ARHGAP29: variants seen among roughly 807,000 people sequenced by gnomAD.
The protein encoded by ARHGAP29 is Rho GTPase activating protein 29, also known as rho GTPase-activating protein 29.
ARHGAP29 carries 43 observed loss-of-function variants against 122.6 expected under a neutral mutation model. That is an observed-to-expected ratio of 0.35 (90% confidence interval 0.27 to 0.45). ARHGAP29 has a LOEUF of 0.45. Among genes scored for constraint, ARHGAP29 ranks in the 20% least tolerant of loss-of-function variants. ARHGAP29 has a pLI of 1.00. For synonymous variants in ARHGAP29, 506 were observed against 497.1 expected, an observed-to-expected ratio of 1.02 and a Z score of -0.24; for missense variants, 1,303 against 1,477.2, an observed-to-expected ratio of 0.88 and a Z score of 1.93.
At chr1:94,236,614 C>T (rs1653279005) in intron 1 of ARHGAP29, among the ~76,000 whole-genome samples, 1 of 152,126 alleles carries the variant, frequency 6.6e-6, no homozygotes, top group East Asian at 1.9e-4. Context: ...AACATAGAGA[C>T]AAGAGGCTCG....
chr1:94,182,389 A>T (rs79912885), intron 19 of ARHGAP29, among the ~76,000 whole-genome samples: 29,867 of 152,026 alleles, frequency 0.2, 3,769 homozygotes, highest in Middle Eastern at 0.33. Flanking sequence ...AATAAAGGGG[A>T]GGAAATGAGC....
chr1:94,268,215 A>G (rs896038845), intron 1 of ARHGAP29, among the ~76,000 whole-genome samples: 2 of 152,196 alleles, frequency 1.3e-5, no homozygotes, highest in Non-Finnish European at 2.9e-5. Flanking sequence ...CCCATAGACA[A>G]TATTCAATAC....
At chr1:94,302,836 C>T in the ARHGAP29 span, 304 of 243,176 alleles carry the variant, frequency 1.3e-3, no homozygotes, top group African/African-American at 6.3e-3. Context: ...TCGGGGGCAT[C>T]GTGGGCCACA....
chr1:94,171,080 A>T lies in ARHGAP29; in HGVS notation c.*2789T>A, dbSNP rs1648708853. On this transcript the variant is annotated 3_prime_UTR_variant, in exon 23 of 23. Transcript: ENST00000260526. ...AACCCACAGAATTCCACTGACTATA[A>T]GTTATTTAACAATATACAATGGTTG... 6.6e-6 allele frequency among the ~76,000 whole-genome samples: 1 copy of T among 152,202 alleles called. No individual in the cohort carries two copies. The highest frequency in any genetic ancestry group is 1.5e-5 in the Non-Finnish European group (1 of 68,030).
At chr1:94,219,653 C>T (rs896295587) in intron 3 of ARHGAP29, among the ~76,000 whole-genome samples, 1 of 152,140 alleles carries the variant, frequency 6.6e-6, no homozygotes, top group African/African-American at 2.4e-5. Flanking sequence ...TCACTTCGCT[C>T]TCAATCCTTC....
chr1:94,305,842 T>A, the ARHGAP29 span, among the ~76,000 whole-genome samples: 1 of 152,310 alleles, frequency 6.6e-6, no homozygotes, highest in Admixed American at 6.5e-5. Flanking sequence ...TACCTCAAAG[T>A]TCAAGGAATA....
chr1:94,178,189 G>A (rs1458577638), intron 20 of ARHGAP29, 22 bp from the exon 21 acceptor site: 6 of 1,587,084 alleles, frequency 3.8e-6, no homozygotes, highest in African/African-American at 1.4e-5. Context: ...AACACATAAA[G>A]TTGTATGAGA....
chr1:94,194,265 T>C (rs772794128), intron 12 of ARHGAP29: 1 of 152,234 alleles, frequency 6.6e-6, no homozygotes, highest in South Asian at 2.1e-4. Flanking sequence ...TCACAGTTCA[T>C]TACTACACTT....
chr1:94,307,420 C>T, the ARHGAP29 span, among the ~76,000 whole-genome samples: 1 of 152,080 alleles, frequency 6.6e-6, no homozygotes, highest in African/African-American at 2.4e-5. Flanking sequence ...ATGACCAAAA[C>T]TCCAATGGGA....
Position 94,179,877 on chromosome 1 carries a change from T to C in ARHGAP29, c.2328A>G (p.Glu776=). 6.2e-7 allele frequency: 1 copy of C among 1,613,294 alleles called. No individual in the cohort carries two copies. Among genetic ancestry groups the C allele is most frequent in the Non-Finnish European group, 8.5e-7 (1 of 1,179,676 alleles). Residue 776 remains glutamate, a synonymous_variant, in exon 20 of 23, where the codon GAA becomes GAG. Coordinates refer to ENST00000260526, the MANE Select transcript of ARHGAP29 (RefSeq NM_004815.4). ...CAAGACTATTCTTTTTTGTCTCTTG[T>C]TCTTCATTTACATGTTGGATCTCTT... ...LAKEIQHVNE[E]QETKKNSLED...
rs1001412626 is a variant in ARHGAP29, at chr1:94,170,740, T to C, written c.*3129A>G. Among the ~76,000 whole-genome samples the C allele has an allele frequency of 1.3e-5, 2 of 152,244 alleles. No homozygotes were observed. Among genetic ancestry groups the C allele is most frequent in the African/African-American group, 4.8e-5 (2 of 41,466 alleles). ...ACACGACTGAGTCTTCTAATTCGTG[T>C]ACATTATGGAGTACTACATTTATTT... On this transcript the variant is annotated 3_prime_UTR_variant, in exon 23 of 23. Transcript: ENST00000260526.
intron 5 of ARHGAP29, 150 bp from the exon 6 acceptor site, chr1:94,205,833 G>C (rs1197955824): frequency 3.1e-6 from 2 of 640,924 alleles, no homozygotes; most frequent in African/African-American, 3.7e-5. Context: ...GTCTGTTTAA[G>C]TGCCAGAACA....
intron 18 of ARHGAP29, 114 bp downstream of exon 18, chr1:94,184,758 A>T: frequency 1.1e-6 from 1 of 883,076 alleles, no homozygotes; most frequent in Non-Finnish European, 1.6e-6. Flanking sequence ...TGTCTCAGAA[A>T]CAGAACAAAA....
At position 94,173,089 on chromosome 1, in the gene ARHGAP29, C is replaced by G. The variant is rs1228019451; in HGVS notation, c.*780G>C. 6.6e-6 allele frequency: 1 copy of G among 152,484 alleles called. No individual in the cohort carries two copies. Among genetic ancestry groups the G allele is most frequent in the Non-Finnish European group, 1.5e-5 (1 of 67,976 alleles). The allele number at this position is 152,484 out of a possible 1,614,324, so 9.4% of individuals were successfully genotyped here. A position where few individuals can be genotyped will look rare whatever the true frequency, so the allele number is the denominator to read the frequency against. ...TTATAAAATACTAAAAAGTTCAGAA[C>G]TGCTGAAAAACAAAAGTTTATATAA... is the stretch of plus-strand genomic sequence containing the variant. On this transcript the variant is annotated 3_prime_UTR_variant, in exon 23 of 23. Coordinates refer to ENST00000260526, the MANE Select transcript of ARHGAP29 (RefSeq NM_004815.4).
upstream of ARHGAP29, among the ~76,000 whole-genome samples, chr1:94,242,371 T>C (rs573253181): frequency 2.6e-5 from 4 of 152,240 alleles, no homozygotes; most frequent in African/African-American, 9.6e-5. Flanking sequence ...ATAATTTTTT[T>C]AAAAGCTGAT....
At chr1:94,185,234 AATTT>A in intron 17 of ARHGAP29, 104 bp downstream of exon 17, 1 of 1,321,530 alleles carries the variant, frequency 7.6e-7, no homozygotes, top group East Asian at 2.6e-5. Flanking sequence ...ACTGTAGTAC[AATTT>A]ATTAAACATA....
intron 19 of ARHGAP29, among the ~76,000 whole-genome samples, chr1:94,183,224 T>C (rs1476578941): frequency 6.6e-6 from 1 of 151,944 alleles, no homozygotes; most frequent in Non-Finnish European, 1.5e-5. Flanking sequence ...TTAAAAAGGA[T>C]CCTGCTGGAA....
intron 2 of ARHGAP29, among the ~76,000 whole-genome samples, chr1:94,224,878 A>G (rs577903773): frequency 3.9e-5 from 6 of 152,164 alleles, no homozygotes; most frequent in Non-Finnish European, 8.8e-5. Flanking sequence ...CTAACATACT[A>G]AAAAAATAGC....
intron 12 of ARHGAP29, chr1:94,192,281 A>T (rs1012955576): frequency 6.6e-6 from 1 of 152,118 alleles, no homozygotes; most frequent in African/African-American, 2.4e-5. Context: ...AATAAACTAC[A>T]ATTCAAGGTA....
Sources: allele counts gnomAD v4.1 joint callset (sites outside exome capture counted in the v4.1 genomes callset), GRCh38; gene constraint gnomAD v4.1.1; transcripts MANE v1.5; gene names NCBI Gene and HGNC (gene_info 2026-07-23, HGNC 2026-07-21).